Variants in EFHD1 observed in about 807,000 individuals in gnomAD.
The protein encoded by EFHD1 is EF-hand domain-containing protein D1.
EFHD1 carries 10 observed loss-of-function variants against 17.2 expected under a neutral mutation model. That is an observed-to-expected ratio of 0.58 (90% CI 0.36 to 0.99). The LOEUF is 0.99. Among genes scored for constraint, EFHD1 ranks in the 50% least tolerant of loss-of-function variants. EFHD1 has a pLI of 0.01. For missense variants in EFHD1, 310 were observed against 327.5 expected (o/e 0.95, Z 0.41); for synonymous variants, 153 against 142.0 (o/e 1.08, Z -0.55).
intron 2 of EFHD1, among the ~76,000 whole-genome samples, chr2:232,668,591 G>C (rs1209872856): frequency 3.9e-5 from 6 of 152,108 alleles, no homozygotes; most frequent in Non-Finnish European, 7.4e-5. Flanking sequence ...GCTGGGGGTG[G>C]TGCTCTGTCT....
In EFHD1 at chr2:232,650,870, A is replaced by G. The variant is rs115521882; in HGVS notation, c.303-11932A>G. Among the ~76,000 whole-genome samples the G allele has an allele frequency of 3.3e-3, 504 of 152,100 alleles. 4 individuals are homozygous for G. The highest frequency in any genetic ancestry group is 0.011 in the African/African-American group (475 of 41,484). On this transcript the variant is annotated intron_variant, in intron 1 of 3. Transcript: ENST00000264059. ...AAGTGTGAGCCACCACACCTGGTCT[A>G]TTCTGGATTGCCTTTAATTAAAAAT...
At chr2:232,637,341 T>G (rs1694336600) in intron 1 of EFHD1, among the ~76,000 whole-genome samples, 2 of 141,412 alleles carry the variant, frequency 1.4e-5, no homozygotes, top group Non-Finnish European at 3.1e-5. Context: ...CACATGGCCT[T>G]CCTTTTTTTT....
intron 3 of EFHD1, among the ~76,000 whole-genome samples, chr2:232,677,925 A>G (rs1469864959): frequency 6.6e-6 from 1 of 152,232 alleles, no homozygotes; most frequent in Non-Finnish European, 1.5e-5. Context: ...TATTAGAATA[A>G]AGAAAAAAGA....
intron 1 of EFHD1, among the ~76,000 whole-genome samples, chr2:232,639,428 C>T (rs940099988): frequency 6.6e-6 from 1 of 151,708 alleles, no homozygotes; most frequent in Non-Finnish European, 1.5e-5. Flanking sequence ...CTCCTAGGCT[C>T]AGGTGATTCT....
intron 1 of EFHD1, among the ~76,000 whole-genome samples, chr2:232,646,432 TC>T: frequency 1.5e-5 from 2 of 131,086 alleles, no homozygotes; most frequent in African/African-American, 2.8e-5. Context: ...TCTTCTCTTC[TC>T]TTCTTTTTTT....
chr2:232,609,080 G>C (rs1191830628), intron 1 of EFHD1, among the ~76,000 whole-genome samples: 1 of 56,760 alleles, frequency 1.8e-5, no homozygotes, highest in South Asian at 5.1e-4. Flanking sequence ...TTTTTTTTTA[G>C]ATGGAGTCTT....
At chr2:232,635,187 C>T (rs1694296028) in intron 1 of EFHD1, among the ~76,000 whole-genome samples, 1 of 152,112 alleles carries the variant, frequency 6.6e-6, no homozygotes, top group South Asian at 2.1e-4. Flanking sequence ...GCGGCTGGGG[C>T]GAAAATGGAA....
At chr2:232,653,846 G>C (rs1694703461) in intron 1 of EFHD1, among the ~76,000 whole-genome samples, 1 of 152,130 alleles carries the variant, frequency 6.6e-6, no homozygotes, top group African/African-American at 2.4e-5. Flanking sequence ...TTGCCCACTG[G>C]GCTAGTGGGC....
chr2:232,666,874 T>C (rs1197128565), intron 2 of EFHD1, among the ~76,000 whole-genome samples: 3 of 152,200 alleles, frequency 2.0e-5, no homozygotes, highest in Non-Finnish European at 4.4e-5. Context: ...CAGGGCTGTG[T>C]TCACAGACTG....
chr2:232,675,255 GAA>G (rs1695150666), intron 3 of EFHD1, among the ~76,000 whole-genome samples: 1 of 151,384 alleles, frequency 6.6e-6, no homozygotes, highest in African/African-American at 2.4e-5. Flanking sequence ...AGAAAGAAAA[GAA>G]AAGAAAAGAA....
upstream of EFHD1, among the ~76,000 whole-genome samples, chr2:232,631,070 A>G (rs960526621): frequency 2.8e-4 from 42 of 152,180 alleles, no homozygotes; most frequent in African/African-American, 9.4e-4. Flanking sequence ...TACTAAAAAT[A>G]TAAAATATTA....
chr2:232,606,249 G>T (rs1452591126), intron 1 of EFHD1: 3 of 1,500,406 alleles, frequency 2.0e-6, no homozygotes, highest in African/African-American at 1.4e-5. Flanking sequence ...TTTTACTCTG[G>T]TCCAGAATAG....
At chr2:232,651,491 A>G (rs528947599) in intron 1 of EFHD1, among the ~76,000 whole-genome samples, 1 of 152,238 alleles carries the variant, frequency 6.6e-6, no homozygotes, top group South Asian at 2.1e-4. Context: ...ACCTTCTAGC[A>G]GGTTAAAGAT....
chr2:232,633,658 C>T lies in EFHD1; in HGVS notation c.-47C>T. The T allele has an allele frequency of 1.4e-6, 2 of 1,379,492 alleles. No homozygotes were observed. Among genetic ancestry groups the T allele is most frequent in the South Asian group, 3.4e-5 (2 of 59,584 alleles). 85.5% of individuals were successfully genotyped at this position (1,379,492 alleles called of 1,614,324 possible). ...GAGCGCGCCGCCCGCCAGCTCCCTG[C>T]GTCCCGTCCCGCGTCCCCGCGTTCC... On this transcript the variant is annotated 5_prime_UTR_variant, in exon 1 of 4. Transcript: ENST00000264059.
chr2:232,675,048 C>T (rs1695144128), intron 3 of EFHD1, among the ~76,000 whole-genome samples: 3 of 151,836 alleles, frequency 2.0e-5, no homozygotes. Flanking sequence ...TGGTGGTGCA[C>T]ACCTGTAATC....
At chr2:232,641,936 G>C (rs978573326) in intron 1 of EFHD1, among the ~76,000 whole-genome samples, 1 of 152,210 alleles carries the variant, frequency 6.6e-6, no homozygotes, top group African/African-American at 2.4e-5. Flanking sequence ...AGCAGGACCT[G>C]CATCTGCTTC....
chr2:232,670,033 A>G (rs1335502391), intron 2 of EFHD1, among the ~76,000 whole-genome samples: 1 of 152,230 alleles, frequency 6.6e-6, no homozygotes, highest in Non-Finnish European at 1.5e-5. Context: ...GGAACGTATC[A>G]GTTTATATTC....
Position 232,662,829 on chromosome 2 carries a change from C to A in EFHD1, c.330C>A (p.Ile110=). 1 of 1,584,632 alleles carries A rather than the reference C, an allele frequency of 6.3e-7. No homozygotes were observed. Among genetic ancestry groups the A allele is most frequent in the Non-Finnish European group, 8.6e-7 (1 of 1,167,618 alleles). ...ATGACGCTGGGCGGGATGGCTTCAT[C>A]GACCTGATGGAGCTGAAGCTGATGA... ...KLYDAGRDGF[I]DLMELKLMME... is the part of the protein sequence containing the mutation. The change falls in exon 2 of 4, where the codon ATC becomes ATA. Residue 110 remains isoleucine (I), a synonymous_variant. Transcript: ENST00000264059.
At chr2:232,606,304 C>A in intron 1 of EFHD1, 2 of 1,067,548 alleles carry the variant, frequency 1.9e-6, no homozygotes, top group Non-Finnish European at 2.8e-6. Context: ...GCACTCCCGG[C>A]CCTCGCTTCC....
Sources: allele counts gnomAD v4.1 joint callset (sites outside exome capture counted in the v4.1 genomes callset), GRCh38; gene constraint gnomAD v4.1.1; transcripts MANE v1.5; gene names NCBI Gene and HGNC (gene_info 2026-07-23, HGNC 2026-07-21).